Variants in ACOXL observed in about 807,000 individuals in gnomAD.
The protein encoded by ACOXL is acyl-coenzyme A oxidase-like protein.
Under a neutral mutation model 71.9 loss-of-function variants are expected in ACOXL, and 70 were observed. That is an observed-to-expected ratio of 0.97 (90% CI 0.80 to 1.19). The LOEUF (loss-of-function observed/expected upper bound fraction) is 1.19, where lower values mean the gene tolerates loss of function less well. Among genes scored for constraint, ACOXL ranks in the 50% most tolerant of loss-of-function variants. The pLI, the probability that ACOXL is intolerant of heterozygous loss-of-function variation, is 0.00. For missense variants in ACOXL, 703 were observed against 736.3 expected, an observed-to-expected ratio of 0.95 and a Z score of 0.52; for synonymous variants, 253 against 281.6, an observed-to-expected ratio of 0.90 and a Z score of 1.02.
At chr2:110,863,809 C>A (rs919812561) in intron 10 of ACOXL, among the ~76,000 whole-genome samples, 3 of 152,096 alleles carry the variant, frequency 2.0e-5, no homozygotes, top group Non-Finnish European at 4.4e-5. Context: ...CTTCGTTTTG[C>A]CTTTAATTTC....
At chr2:110,995,499 C>CAA (rs567318996) in intron 13 of ACOXL, among the ~76,000 whole-genome samples, 3 of 67,286 alleles carry the variant, frequency 4.5e-5, no homozygotes, top group African/African-American at 2.0e-4. Context: ...GACTCTGTCT[C>CAA]AAAAAAAAAA....
chr2:110,899,505 T>G (rs889754121), intron 10 of ACOXL, among the ~76,000 whole-genome samples: 2 of 152,112 alleles, frequency 1.3e-5, no homozygotes, highest in Admixed American at 6.5e-5. Context: ...AAGGCCTGGA[T>G]CCAGAGAGGA....
At chr2:110,931,123 A>G (rs1040316420) in intron 11 of ACOXL, among the ~76,000 whole-genome samples, 1 of 152,156 alleles carries the variant, frequency 6.6e-6, no homozygotes. Flanking sequence ...TGAGTTTCTT[A>G]TATCAGATTT....
At chr2:111,009,035 C>G (rs1359204815) in intron 14 of ACOXL, among the ~76,000 whole-genome samples, 1 of 152,174 alleles carries the variant, frequency 6.6e-6, no homozygotes, top group African/African-American at 2.4e-5. Context: ...CAGTTCGTCA[C>G]TTGTCTTTCG....
chr2:111,095,391 CTTTTTTT>C (rs780172456), intron 17 of ACOXL, among the ~76,000 whole-genome samples: 38 of 116,582 alleles, frequency 3.3e-4, no homozygotes, highest in Non-Finnish European at 4.5e-4. Flanking sequence ...TTTTCTTTTT[CTTTTTTT>C]TTTTTTTTTT....
intron 17 of ACOXL, among the ~76,000 whole-genome samples, chr2:111,106,872 A>G (rs988777109): frequency 5.3e-5 from 8 of 152,184 alleles, no homozygotes; most frequent in Admixed American, 2.0e-4. Context: ...AGGGCAGGAA[A>G]GCCACATTAC....
chr2:110,926,900 A>G (rs779948140), intron 11 of ACOXL, among the ~76,000 whole-genome samples: 47 of 152,126 alleles, frequency 3.1e-4, no homozygotes, highest in Non-Finnish European at 4.3e-4. Context: ...CTAAATTCCT[A>G]CTTGCCAGCT....
intron 10 of ACOXL, among the ~76,000 whole-genome samples, chr2:110,902,402 G>A (rs2059276333): frequency 6.6e-6 from 1 of 152,328 alleles, no homozygotes; most frequent in African/African-American, 2.4e-5. Context: ...CCCAGGAGAT[G>A]GAGGTTGCCA....
At chr2:110,920,001 A>C (rs1424778722) in intron 11 of ACOXL, among the ~76,000 whole-genome samples, 2 of 152,204 alleles carry the variant, frequency 1.3e-5, no homozygotes, top group African/African-American at 4.8e-5. Flanking sequence ...TCTAGTTTTT[A>C]CAATTATAAA....
intron 10 of ACOXL, among the ~76,000 whole-genome samples, chr2:110,847,373 G>A (rs920395198): frequency 2.6e-5 from 4 of 152,152 alleles, no homozygotes; most frequent in South Asian, 2.1e-4. Context: ...GAGAGAACAC[G>A]TGAACTAATG....
intron 5 of ACOXL, chr2:110,796,130 C>T (rs1415542672): frequency 6.6e-6 from 1 of 151,930 alleles, no homozygotes; most frequent in African/African-American, 2.4e-5. Flanking sequence ...TTTCAAAATG[C>T]TAGAGCTTAT....
intron 10 of ACOXL, among the ~76,000 whole-genome samples, chr2:110,868,229 C>T (rs893741988): frequency 4.6e-5 from 7 of 152,168 alleles, no homozygotes; most frequent in African/African-American, 9.7e-5. Flanking sequence ...CACTATGAAG[C>T]GAGTTTCTAA....
intron 10 of ACOXL, among the ~76,000 whole-genome samples, chr2:110,876,283 GAGGC>G (rs1695885508): frequency 2.6e-5 from 4 of 152,204 alleles, no homozygotes; most frequent in East Asian, 1.9e-4. Flanking sequence ...CACCCAGAGA[GAGGC>G]AGGCAGAGAA....
chr2:110,968,778 C>CAAAAAAAA (rs35801632), intron 12 of ACOXL: 16 of 217,888 alleles, frequency 7.3e-5, no homozygotes, highest in South Asian at 1.8e-4. Flanking sequence ...TTATGGACAG[C>CAAAAAAAA]AAAAAAAAAA....
intron 12 of ACOXL, among the ~76,000 whole-genome samples, chr2:110,940,708 A>G (rs994250322): frequency 7.2e-5 from 11 of 152,238 alleles, no homozygotes; most frequent in African/African-American, 2.2e-4. Context: ...TGATGTTTCC[A>G]TAACACTTGA....
chr2:111,087,266 T>G (rs534411382), intron 16 of ACOXL, among the ~76,000 whole-genome samples: 2 of 152,324 alleles, frequency 1.3e-5, no homozygotes, highest in South Asian at 2.1e-4. Flanking sequence ...CCTATCAAAC[T>G]ATCAATGACA....
intron 14 of ACOXL, among the ~76,000 whole-genome samples, chr2:111,024,604 T>TA (rs577946854): frequency 4.4e-4 from 67 of 152,288 alleles, no homozygotes; most frequent in African/African-American, 1.3e-3. Flanking sequence ...GGTAAGGAGT[T>TA]ACAGCAGCCC....
At chr2:110,763,120 G>A (rs1680617560) in intron 1 of ACOXL, among the ~76,000 whole-genome samples, 2 of 152,210 alleles carry the variant, frequency 1.3e-5, no homozygotes, top group Non-Finnish European at 1.5e-5. Context: ...ACTTAATGTT[G>A]TTAAGATTAA....
intron 12 of ACOXL, chr2:110,967,788 C>A: frequency 1.4e-6 from 1 of 697,734 alleles, no homozygotes; most frequent in South Asian, 1.7e-5. Flanking sequence ...ACTGCTGGGC[C>A]TGCAGGTCTC....
Sources: allele counts gnomAD v4.1 joint callset (sites outside exome capture counted in the v4.1 genomes callset), GRCh38; gene constraint gnomAD v4.1.1; transcripts MANE v1.5; gene names NCBI Gene and HGNC (gene_info 2026-07-23, HGNC 2026-07-21).